The following ZNF208 variants were observed in gnomAD, a reference collection of about 807,000 sequenced individuals.
ZNF208 encodes zinc finger protein 208.
A neutral mutation model predicts 12.1 loss-of-function variants in ZNF208; 10 were observed. That is an observed-to-expected ratio of 0.83 (90% CI 0.51 to 1.40). The LOEUF (loss-of-function observed/expected upper bound fraction) is 1.40. Ranked by LOEUF, ZNF208 falls within the 40% of genes most tolerant of loss-of-function variation. ZNF208 has a pLI of 0.00. For missense variants in ZNF208, 1,652 were observed against 1,485.0 expected, an observed-to-expected ratio of 1.11 and a Z score of -1.85; for synonymous variants, 497 against 488.4, an observed-to-expected ratio of 1.02 and a Z score of -0.23.
At chr19:21,957,777 C>T (rs761194551) in intron 4 of ZNF208, among the ~76,000 whole-genome samples, 18 of 152,044 alleles carry the variant, frequency 1.2e-4, no homozygotes, top group Non-Finnish European at 2.1e-4. Flanking sequence ...ATAATAAAGT[C>T]TATTTTGCAA....
chr19:21,950,937 C>A (rs192140046), intron 4 of ZNF208, among the ~76,000 whole-genome samples: 1 of 152,122 alleles, frequency 6.6e-6, no homozygotes, highest in African/African-American at 2.4e-5. Context: ...CTATAAAAAA[C>A]CTCTAATTAA....
downstream of ZNF208, among the ~76,000 whole-genome samples, chr19:21,962,822 A>G (rs1337137475): frequency 6.6e-6 from 1 of 152,138 alleles, no homozygotes; most frequent in Non-Finnish European, 1.5e-5. Context: ...CGATTTGTTG[A>G]TTTCAATTGA....
intron 4 of ZNF208, among the ~76,000 whole-genome samples, chr19:21,956,899 C>A (rs1180733529): frequency 6.6e-6 from 1 of 152,178 alleles, no homozygotes; most frequent in East Asian, 1.9e-4. Context: ...CAGAAATCAC[C>A]CATCATCTGT....
chr19:21,967,905 T>C lies in ZNF208; in HGVS notation c.*3286A>G, dbSNP rs988899330. 7.2e-5 allele frequency: 11 copies of C among 152,178 alleles called. No individual in the cohort carries two copies. Among genetic ancestry groups the C allele is most frequent in the African/African-American group, 2.7e-4 (11 of 41,472 alleles). 9.4% of individuals were successfully genotyped at this position (152,178 alleles called of 1,614,324 possible). On this transcript the variant is annotated 3_prime_UTR_variant, in exon 4 of 4. Coordinates refer to ENST00000397126, the MANE Select transcript of ZNF208 (RefSeq NM_007153.3). The stretch of plus-strand genomic sequence containing the variant: ...TATTTTTCCATTTATTTGCATTGTC[T>C]CTCGTTTCTTTCAGCAATGTTTTGT...
chr19:21,972,579 T>C lies in ZNF208; in HGVS notation c.2455A>G (p.Thr819Ala). 1 of 1,613,246 alleles carries C rather than the reference T, an allele frequency of 6.2e-7. No individual in the cohort carries two copies. The highest frequency in any genetic ancestry group is 8.5e-7 in the Non-Finnish European group (1 of 1,179,814). Residue 819 changes from threonine (T) to alanine (A), a missense_variant, in exon 4 of 4, where the codon ACC (threonine) becomes GCC (alanine). Physicochemically the swap from Thr to Ala is moderately conservative, Grantham distance 58. Transcript: ENST00000397126. ...TGAATTGCCTTATGTGTAGTAAGGG[T>C]TGAGACCTTACTAAAGGTTTTGCCA... ...ECGKTFSKVS[T>A]LTTHKAIHAG... is the part of the protein sequence containing the mutation.
rs545321333 is a variant in ZNF208, at chr19:21,970,118, C to T, written c.*1073G>A. 8.5e-5 allele frequency among the ~76,000 whole-genome samples: 13 copies of T among 152,272 alleles called. No individual in the cohort carries two copies. Among genetic ancestry groups the T allele is most frequent in the East Asian group, 1.9e-4 (1 of 5,188 alleles). On this transcript the variant is annotated 3_prime_UTR_variant, in exon 4 of 4. Transcript: ENST00000397126. ...ACTTTTCTAGGATTTCTCATCTGTA[C>T]GATTTCTTTTATATTCAGAAAAGTC...
chr19:22,009,325 A>G (rs1166322004), intron 1 of ZNF208, among the ~76,000 whole-genome samples: 3 of 152,312 alleles, frequency 2.0e-5, no homozygotes, highest in African/African-American at 7.2e-5. Context: ...GGGGTGGCAG[A>G]TAGACTTGAG....
rs1398803030 is a variant in ZNF208, at chr19:21,971,750, T to C, written c.3284A>G (p.Asn1095Ser). The change falls in exon 4 of 4, where the codon AAC becomes AGC. Residue 1095 changes from asparagine to serine, a missense_variant. Physicochemically the swap from Asn to Ser is conservative, Grantham distance 46. Coordinates refer to ENST00000397126, the MANE Select transcript of ZNF208 (RefSeq NM_007153.3). ...ATGTTCCATAAGGTTTGAGGACCAG[T>C]TGAAAGCTTTGCCACATTCTTCACA... The part of the protein sequence containing the change: ...YKCEECGKAF[N>S]WSSNLMEHKR... 2 of 1,612,760 alleles carry C rather than the reference T, an allele frequency of 1.2e-6. No individual in the cohort carries two copies. The highest frequency in any genetic ancestry group is 2.2e-5 in the East Asian group (1 of 44,722).
chr19:21,993,480 A>G (rs192800071), intron 1 of ZNF208, among the ~76,000 whole-genome samples: 1 of 152,244 alleles, frequency 6.6e-6, no homozygotes, highest in Admixed American at 6.5e-5. Flanking sequence ...GTTCTGCAAA[A>G]TGGCCAAGTG....
At chr19:21,951,775 G>A (rs566969214) in intron 4 of ZNF208, among the ~76,000 whole-genome samples, 28 of 152,296 alleles carry the variant, frequency 1.8e-4, no homozygotes, top group African/African-American at 6.3e-4. Context: ...TGAGGTACAT[G>A]GCTCATCTCA....
Position 22,010,924 on chromosome 19 carries a change from G to C in ZNF208, c.-130C>G. On this transcript the variant is annotated 5_prime_UTR_variant, in exon 1 of 4. Transcript: ENST00000397126. ...AGTAAGGACGAGACCTTGACCTCCGGCTGCAGCGAGAGACAAAGGACCGAC... is the reference window on the plus strand; with the variant it reads ...AGTAAGGACGAGACCTTGACCTCCGCCTGCAGCGAGAGACAAAGGACCGAC... The C allele has an allele frequency of 3.6e-6, 5 of 1,375,558 alleles. No homozygotes were observed. Among genetic ancestry groups the C allele is most frequent in the South Asian group, 2.4e-5 (2 of 81,998 alleles). The allele number at this position is 1,375,558 out of a possible 1,614,324, so 85.2% of individuals were successfully genotyped here. A position where few individuals can be genotyped will look rare whatever the true frequency, so the allele number is the denominator to read the frequency against.
At chr19:21,962,381 C>T (rs1970086904), downstream of ZNF208, among the ~76,000 whole-genome samples, 2 of 152,102 alleles carry the variant, frequency 1.3e-5, no homozygotes, top group African/African-American at 4.8e-5. Flanking sequence ...ATACTAGGAG[C>T]TATACTTAAT....
Position 21,966,871 on chromosome 19 carries a change from CAT to C in ZNF208, c.*4318_*4319del. 6.6e-6 allele frequency: 1 copy of C among 152,240 alleles called. No individual in the cohort carries two copies. Among genetic ancestry groups the C allele is most frequent in the South Asian group, 2.1e-4 (1 of 4,830 alleles). 9.4% of individuals were successfully genotyped at this position (152,240 alleles called of 1,614,324 possible). A position where few individuals can be genotyped will look rare whatever the true frequency, so the allele number is the denominator to read the frequency against. On this transcript the variant is annotated 3_prime_UTR_variant, in exon 4 of 4. Transcript: ENST00000397126. ...AATTAGGAACGTTGAGCAATTTTTA[CAT>C]GTTTATTGGCAGCTCTTATGTCTTC... is the stretch of plus-strand genomic sequence containing the variant.
chr19:21,954,877 G>T (rs1462442395), intron 4 of ZNF208, among the ~76,000 whole-genome samples: 1 of 151,502 alleles, frequency 6.6e-6, no homozygotes, highest in Non-Finnish European at 1.5e-5. Context: ...TCCTGTCATG[G>T]TGTTAGCTGT....
At chr19:21,992,051 TGA>T (rs1970748548) in intron 1 of ZNF208, among the ~76,000 whole-genome samples, 1 of 152,152 alleles carries the variant, frequency 6.6e-6, no homozygotes, top group South Asian at 2.1e-4. Context: ...TAAACAAAGA[TGA>T]GAGGTTTCAT....
chr19:22,010,782 G>A lies in ZNF208; in HGVS notation c.3+10C>T, dbSNP rs776008673. The A allele has an allele frequency of 1.2e-6, 2 of 1,614,164 alleles. No homozygotes were observed. The highest frequency in any genetic ancestry group is 2.2e-5 in the East Asian group (1 of 44,876). On this transcript the variant is annotated intron_variant, in intron 1 of 3. Transcript: ENST00000397126. ...CCACTCTCTCAGTGTGTCGGACCCG[G>A]CACACTCACCATTTCTAGGCTTCCA...
downstream of ZNF208, among the ~76,000 whole-genome samples, chr19:21,962,010 G>A (rs1970079524): frequency 6.6e-6 from 1 of 152,114 alleles, no homozygotes; most frequent in Non-Finnish European, 1.5e-5. Flanking sequence ...TAAGACAGGT[G>A]AAAGAAATTA....
intron 4 of ZNF208, chr19:21,940,925 C>T (rs966209170): frequency 5.0e-5 from 8 of 158,652 alleles, no homozygotes; most frequent in African/African-American, 1.4e-4. Context: ...CTAAGCTGAG[C>T]CGCGACCCCG....
chr19:21,995,399 G>A (rs985214415), intron 1 of ZNF208, among the ~76,000 whole-genome samples: 8 of 152,106 alleles, frequency 5.3e-5, no homozygotes, highest in South Asian at 2.1e-4. Flanking sequence ...CTTGTATAAC[G>A]GGTGAAACAA....
Sources: allele counts gnomAD v4.1 joint callset (sites outside exome capture counted in the v4.1 genomes callset), GRCh38; gene constraint gnomAD v4.1.1; transcripts MANE v1.5; gene names NCBI Gene and HGNC (gene_info 2026-07-23, HGNC 2026-07-21).